Variants in B4GALNT3 observed in about 807,000 individuals in gnomAD.
B4GALNT3 encodes the protein beta-1,4-N-acetylgalactosaminyltransferase 3.
In B4GALNT3, 86 loss-of-function variants were observed where a neutral mutation model predicts 120.2. The observed-to-expected ratio is 0.72, with a 90% CI of 0.60 to 0.86. B4GALNT3 has a LOEUF of 0.86. B4GALNT3 is among the 40% of genes least tolerant of loss of function. The probability of loss-of-function intolerance (pLI) is 0.00; values close to 1 mark genes in which losing one functional copy is unlikely to be tolerated. For synonymous variants in B4GALNT3, 518 were observed against 510.4 expected (o/e 1.01, Z -0.20); for missense variants, 1,167 against 1,298.9 (o/e 0.90, Z 1.56).
chr12:499,233 G>A (rs1946417116), intron 1 of B4GALNT3, among the ~76,000 whole-genome samples: 1 of 152,236 alleles, frequency 6.6e-6, no homozygotes, highest in Non-Finnish European at 1.5e-5. Flanking sequence ...ATTTAGGGCA[G>A]TCAAAAACTT....
At chr12:492,055 C>CAA (rs55702729) in intron 1 of B4GALNT3, among the ~76,000 whole-genome samples, 6 of 131,980 alleles carry the variant, frequency 4.5e-5, no homozygotes, top group East Asian at 2.2e-4. Context: ...GAGACCGTCT[C>CAA]AAAAAAAAAA....
At position 557,953 on chromosome 12, in the gene B4GALNT3, A is replaced by C. The variant is rs572744453; in HGVS notation, c.2535-63A>C. The C allele has an allele frequency of 5.1e-6, 8 of 1,573,806 alleles. No homozygotes were observed. The African/African-American group carries it at 9.5e-5, about 19-fold the overall frequency. Reference sequence around the variant, plus strand: ...CATCATCTCTCTTCTATGCCTGCCAACTTCCTCCAGGGGACCACCGCAGCT... The same window carrying C: ...CATCATCTCTCTTCTATGCCTGCCACCTTCCTCCAGGGGACCACCGCAGCT... On this transcript the variant is annotated intron_variant, in intron 16 of 19. Coordinates refer to ENST00000266383, the MANE Select transcript of B4GALNT3 (RefSeq NM_173593.4).
chr12:512,779 CTTCCT>C, intron 1 of B4GALNT3, among the ~76,000 whole-genome samples: 1 of 149,308 alleles, frequency 6.7e-6, no homozygotes, highest in Non-Finnish European at 1.5e-5. Flanking sequence ...CGCCTTCTGC[CTTCCT>C]TCCACCTTCC....
chr12:544,088 G>C, intron 3 of B4GALNT3, among the ~76,000 whole-genome samples: 1 of 125,640 alleles, frequency 8.0e-6, no homozygotes, highest in Non-Finnish European at 1.7e-5. Context: ...GCGGGCATGG[G>C]GTGCTCATCT....
chr12:467,430 G>A (rs1284173601), intron 1 of B4GALNT3, among the ~76,000 whole-genome samples: 3 of 152,138 alleles, frequency 2.0e-5, no homozygotes, highest in African/African-American at 4.8e-5. Flanking sequence ...GTGGTGGTGT[G>A]TGCCTGTAGT....
Position 460,022 on chromosome 12 carries a change from C to A in B4GALNT3, c.-355C>A, listed in dbSNP as rs1371965769. Among the ~76,000 whole-genome samples, 2 of 149,974 alleles carry A rather than the reference C, an allele frequency of 1.3e-5. No individual in the cohort carries two copies. The highest frequency in any genetic ancestry group is 2.4e-5 in the African/African-American group (1 of 40,956). On this transcript the variant is annotated 5_prime_UTR_variant, in exon 1 of 20. Transcript: ENST00000266383. The surrounding 1 kb of genome is among the most constrained non-coding windows in gnomAD (Gnocchi z 8.0). ...CGGGCGGAGGCAGGCGGGCGGGCGC[C>A]GGGGAAGCCTCCTTCTGGGCAGCGA...
At chr12:469,427 C>T (rs901316005) in intron 1 of B4GALNT3, among the ~76,000 whole-genome samples, 1 of 152,140 alleles carries the variant, frequency 6.6e-6, no homozygotes. Flanking sequence ...GACAAATAGA[C>T]ACATTCCTCA....
intron 1 of B4GALNT3, among the ~76,000 whole-genome samples, chr12:529,429 G>A (rs187502194): frequency 9.2e-5 from 14 of 152,294 alleles, no homozygotes; most frequent in Admixed American, 3.3e-4. Context: ...ATCTGTAGGC[G>A]GGCAACGTTC....
At chr12:556,217 T>G (rs556187757) in intron 14 of B4GALNT3, among the ~76,000 whole-genome samples, 8 of 152,354 alleles carry the variant, frequency 5.3e-5, no homozygotes, top group African/African-American at 1.9e-4. Flanking sequence ...TTTTGTCTTA[T>G]GGAATGTTGA....
rs1349060333 is a variant in B4GALNT3 at position 549,909 on chromosome 12, C to T, written c.994C>T (p.Arg332Ter). Residue 332 changes from arginine (R) to a stop codon, truncating the protein, a stop_gained, in exon 10 of 20, where the codon CGA (arginine) becomes TGA (stop). Transcript: ENST00000266383. LOFTEE classifies it high-confidence loss of function. ...GCCTGACCCCCGGGACACCCTCTAT[C>T]GAGGTAAGGCCTCGGCCAGCGCTTG... The part of the protein sequence containing the change: ...LRPDPRDTLY[R>*]VPLIPKSHLR... 2.5e-6 allele frequency: 4 copies of T among 1,611,332 alleles called. No individual in the cohort carries two copies. Among genetic ancestry groups the T allele is most frequent in the Non-Finnish European group, 2.5e-6 (3 of 1,179,198 alleles).
intron 1 of B4GALNT3, among the ~76,000 whole-genome samples, chr12:514,831 C>G (rs1276258735): frequency 6.6e-6 from 1 of 151,978 alleles, no homozygotes; most frequent in Non-Finnish European, 1.5e-5. Context: ...GAGCTCGAGA[C>G]CAGCCTGGCC....
Position 535,911 on chromosome 12 carries a change from C to G in B4GALNT3, c.274-307C>G, listed in dbSNP as rs568673106. Among the ~76,000 whole-genome samples, 3 of 152,164 alleles carry G rather than the reference C, an allele frequency of 2.0e-5. No homozygotes were observed. In the East Asian group the frequency reaches 5.8e-4, roughly 29 times the overall value. ...CTGAGGGGCTCCCACTTGTTGGAAC[C>G]CAAATCTATACAGCTGGGGGATAAG... On this transcript the variant is annotated intron_variant, in intron 2 of 19. Transcript: ENST00000266383.
At chr12:519,778 G>A (rs888892528) in intron 1 of B4GALNT3, among the ~76,000 whole-genome samples, 5 of 152,136 alleles carry the variant, frequency 3.3e-5, no homozygotes, top group African/African-American at 1.2e-4. Flanking sequence ...TTGAGCGACT[G>A]CTGTTTCTTA....
At chr12:497,690 G>A (rs1946401091) in intron 1 of B4GALNT3, among the ~76,000 whole-genome samples, 1 of 152,142 alleles carries the variant, frequency 6.6e-6, no homozygotes, top group Non-Finnish European at 1.5e-5. Context: ...AACCGGCTTT[G>A]TTCATTGTTG....
intron 9 of B4GALNT3, among the ~76,000 whole-genome samples, chr12:549,556 G>T (rs187862688): frequency 3.0e-4 from 45 of 152,376 alleles, no homozygotes; most frequent in Admixed American, 1.8e-3. Flanking sequence ...AGTCGTGTGG[G>T]TCAGCCGTGG....
chr12:527,771 C>G (rs547744773), intron 1 of B4GALNT3, among the ~76,000 whole-genome samples: 28 of 152,310 alleles, frequency 1.8e-4, no homozygotes, highest in Admixed American at 1.0e-3. Flanking sequence ...AAGAGGGGAG[C>G]AGGCTCACAC....
intron 1 of B4GALNT3, among the ~76,000 whole-genome samples, chr12:462,623 G>T (rs573672136): frequency 3.8e-4 from 58 of 152,008 alleles, no homozygotes; most frequent in African/African-American, 1.4e-3. Flanking sequence ...CTTACTCATG[G>T]TTTTTAACAG....
chr12:465,108 G>A (rs575946617), intron 1 of B4GALNT3, among the ~76,000 whole-genome samples: 12 of 152,292 alleles, frequency 7.9e-5, no homozygotes, highest in African/African-American at 2.4e-4. Flanking sequence ...CAACCGCCTC[G>A]TGTGCTCCTG....
In B4GALNT3 at chr12:560,581, A is replaced by G. The variant is rs567126296; in HGVS notation, c.2889-762A>G. On this transcript the variant is annotated intron_variant, in intron 19 of 19. Coordinates refer to ENST00000266383, the MANE Select transcript of B4GALNT3 (RefSeq NM_173593.4). The stretch of plus-strand genomic sequence containing the variant: ...GTGACACACTAAGAGAATTCGAGTG[A>G]AAAGGGGGAAGGTAAAGGAACGTAG... Among the ~76,000 whole-genome samples, 14 of 152,270 alleles carry G rather than the reference A, an allele frequency of 9.2e-5. No individual in the cohort carries two copies. In the South Asian group the frequency reaches 2.7e-3, roughly 29 times the overall value.
Sources: gnomAD v4.1 joint callset for allele counts (sites outside exome capture counted in the v4.1 genomes callset) on GRCh38, gnomAD v4.1.1 for gene constraint, Gnocchi (gnomAD v3.1) non-coding constraint, MANE v1.5 for transcripts, NCBI Gene and HGNC (gene_info 2026-07-23, HGNC 2026-07-21) for gene names.